The following SGCD variants were observed in gnomAD, a reference collection of about 807,000 sequenced individuals.
SGCD encodes the protein sarcoglycan delta, also known as delta-sarcoglycan.
Under a neutral mutation model 36.6 loss-of-function variants are expected in SGCD, and 18 were observed. That is an observed-to-expected ratio of 0.49 (90% CI 0.34 to 0.73). SGCD has a LOEUF of 0.73. Ranked by LOEUF, SGCD falls within the 30% of genes least tolerant of loss-of-function variation. The pLI is 0.01. For synonymous variants in SGCD, 133 were observed against 130.6 expected, an observed-to-expected ratio of 1.02 and a Z score of -0.12; for missense variants, 387 against 346.7, an observed-to-expected ratio of 1.12 and a Z score of -0.92.
intron 3 of SGCD, among the ~76,000 whole-genome samples, chr5:156,411,064 T>C (rs914268552): frequency 6.6e-6 from 1 of 152,240 alleles, no homozygotes; most frequent in African/African-American, 2.4e-5. Context: ...TTTAAAATCA[T>C]ATTGCTTTTA....
rs569000040 is a variant in SGCD, at chr5:156,763,601, T to G, written c.*4211T>G. ...ATAACAACAACAACAAAAACATATT[T>G]TGAAAAGACATATTCTGACATCTCT... is the stretch of plus-strand genomic sequence containing the variant. On this transcript the variant is annotated 3_prime_UTR_variant, in exon 9 of 9. Coordinates refer to ENST00000337851, the MANE Select transcript of SGCD (RefSeq NM_000337.6). The G allele has an allele frequency of 6.6e-6, 1 of 152,146 alleles. No homozygotes were observed. The highest frequency in any genetic ancestry group is 6.5e-5 in the Admixed American group (1 of 15,274). The allele number at this position is 152,146 out of a possible 1,614,324, so 9.4% of individuals were successfully genotyped here.
At chr5:156,423,158 A>AATAATT (rs1561685111) in intron 3 of SGCD, among the ~76,000 whole-genome samples, 2 of 23,090 alleles carry the variant, frequency 8.7e-5, no homozygotes, top group Admixed American at 9.7e-4. Context: ...TTAATTATTT[A>AATAATT]AATATTATAT....
chr5:156,581,331 T>G (rs1298156296), intron 4 of SGCD, among the ~76,000 whole-genome samples: 1 of 152,158 alleles, frequency 6.6e-6, no homozygotes, highest in African/African-American at 2.4e-5. Flanking sequence ...AGGTGTTAGT[T>G]GGCCCCTACT....
rs775726683 is a variant in SGCD at position 156,508,593 on chromosome 5, T to C, written c.193-8T>C. On this transcript the variant is annotated splice_region_variant and splice_polypyrimidine_tract_variant and intron_variant, in intron 3 of 8. Transcript: ENST00000337851. Reference sequence around the variant, plus strand: ...TATCTTCCTTGTTATCTCTGTGTTCTATTTCAGGATGGAATGGGAAACCTG... The same window carrying C: ...TATCTTCCTTGTTATCTCTGTGTTCCATTTCAGGATGGAATGGGAAACCTG... 2.6e-6 allele frequency: 4 copies of C among 1,567,282 alleles called. No individual in the cohort carries two copies. Among genetic ancestry groups the C allele is most frequent in the Non-Finnish European group, 2.6e-6 (3 of 1,137,792 alleles).
At chr5:155,887,629 C>T (rs1756035918) in intron 1 of SGCD, among the ~76,000 whole-genome samples, 1 of 152,140 alleles carries the variant, frequency 6.6e-6, no homozygotes, top group African/African-American at 2.4e-5. Context: ...CTGGGATTCT[C>T]TGAGGAGTAA....
chr5:156,442,227 T>G (rs937169797), intron 3 of SGCD, among the ~76,000 whole-genome samples: 6 of 152,220 alleles, frequency 3.9e-5, no homozygotes, highest in Non-Finnish European at 8.8e-5. Flanking sequence ...ATGAAATGTA[T>G]GCAAATCAGC....
intron 7 of SGCD, chr5:156,704,363 C>T (rs184213355): frequency 6.6e-6 from 1 of 152,224 alleles, no homozygotes; most frequent in Non-Finnish European, 1.5e-5. Flanking sequence ...ATGCTTATTC[C>T]TAAATAAAAA....
the SGCD span, among the ~76,000 whole-genome samples, chr5:155,729,101 A>C: frequency 1.3e-5 from 2 of 152,262 alleles, no homozygotes; most frequent in Admixed American, 1.3e-4. Context: ...GCATTGGCAG[A>C]GGAATGCAAC....
intron 6 of SGCD, among the ~76,000 whole-genome samples, chr5:156,618,636 A>T (rs1473158169): frequency 2.0e-5 from 3 of 149,464 alleles, no homozygotes; most frequent in African/African-American, 7.4e-5. Flanking sequence ...AACCTAGGTG[A>T]TTTCACTGCC....
chr5:156,015,901 T>TTATATA (rs138594984), intron 1 of SGCD, among the ~76,000 whole-genome samples: 2 of 147,620 alleles, frequency 1.4e-5, no homozygotes, highest in African/African-American at 4.9e-5. Context: ...CACATATATT[T>TTATATA]TATATATATA....
At chr5:156,741,879 T>G (rs1756693511) in intron 7 of SGCD, among the ~76,000 whole-genome samples, 1 of 152,018 alleles carries the variant, frequency 6.6e-6, no homozygotes. Context: ...CAGGTTTTTT[T>G]TTTTTTCTTT....
chr5:156,487,899 GA>G (rs909208365), intron 3 of SGCD, among the ~76,000 whole-genome samples: 2 of 113,822 alleles, frequency 1.8e-5, no homozygotes, highest in African/African-American at 3.2e-5. Context: ...AGACATGAAA[GA>G]AAAAAAAATA....
chr5:156,465,571 T>C (rs910691600), intron 3 of SGCD, among the ~76,000 whole-genome samples: 1 of 152,174 alleles, frequency 6.6e-6, no homozygotes, highest in Non-Finnish European at 1.5e-5. Flanking sequence ...TAGGTATTCA[T>C]GATCTTCTAC....
rs116703955 is a variant in SGCD, at chr5:156,295,515, C to G, written c.-43-34019C>G. 2.5e-3 allele frequency among the ~76,000 whole-genome samples: 377 copies of G among 151,848 alleles called. 1 individual carries two copies. Among genetic ancestry groups the G allele is most frequent in the African/African-American group, 8.8e-3 (366 of 41,426 alleles). ...CTGCTATCATTGGGTTTCCTTTATT[C>G]TCTTTCTAGTTTCTTAAATCATAAA... is the stretch of plus-strand genomic sequence containing the variant. On this transcript the variant is annotated intron_variant, in intron 3 of 9. Transcript: ENST00000517913.
the SGCD span, among the ~76,000 whole-genome samples, chr5:155,788,120 C>G: frequency 2.0e-5 from 3 of 152,130 alleles, no homozygotes; most frequent in Non-Finnish European, 4.4e-5. Flanking sequence ...ACTCTTTACC[C>G]TGAAAAATAA....
chr5:156,735,858 TCCC>T (rs1019521830), intron 7 of SGCD, among the ~76,000 whole-genome samples: 1 of 152,178 alleles, frequency 6.6e-6, no homozygotes, highest in Non-Finnish European at 1.5e-5. Flanking sequence ...TATCTAAAGT[TCCC>T]AGGTCTCCTG....
At chr5:156,643,790 C>T (rs1425722781) in intron 6 of SGCD, among the ~76,000 whole-genome samples, 1 of 152,016 alleles carries the variant, frequency 6.6e-6, no homozygotes, top group Admixed American at 6.6e-5. Flanking sequence ...ATATCCTTAT[C>T]TTGTCAAGTA....
At chr5:155,861,347 C>T in the SGCD span, among the ~76,000 whole-genome samples, 1 of 152,128 alleles carries the variant, frequency 6.6e-6, no homozygotes, top group Non-Finnish European at 1.5e-5. Flanking sequence ...TAACTTCCAG[C>T]ACCTTGCAGA....
chr5:156,524,306 T>TATATA (rs1757560600), intron 4 of SGCD, among the ~76,000 whole-genome samples: 1 of 136,264 alleles, frequency 7.3e-6, no homozygotes, highest in African/African-American at 2.7e-5. Context: ...TATATATATA[T>TATATA]CATCATGCAG....
Sources: gnomAD v4.1 joint callset for allele counts (sites outside exome capture counted in the v4.1 genomes callset) on GRCh38, gnomAD v4.1.1 for gene constraint, MANE v1.5 for transcripts, NCBI Gene and HGNC (gene_info 2026-07-23, HGNC 2026-07-21) for gene names.